LONP2: variants seen among roughly 807,000 people sequenced by gnomAD.
LONP2 encodes lon protease homolog 2, peroxisomal.
LONP2 carries 60 observed loss-of-function variants against 85.6 expected under a neutral mutation model. That is an observed-to-expected ratio of 0.70 (90% confidence interval 0.57 to 0.87). The LOEUF (loss-of-function observed/expected upper bound fraction) is 0.87, where lower values mean the gene tolerates loss of function less well. Ranked by LOEUF, LONP2 falls within the 40% of genes least tolerant of loss-of-function variation. LONP2 has a pLI of 0.00. For missense variants in LONP2, 860 were observed against 1,063.5 expected (o/e 0.81, Z 2.66); for synonymous variants, 395 against 389.7 (o/e 1.01, Z -0.16).
intron 11 of LONP2, among the ~76,000 whole-genome samples, chr16:48,333,092 G>A (rs1483088932): frequency 1.3e-5 from 2 of 152,100 alleles, no homozygotes; most frequent in Admixed American, 6.5e-5. Context: ...GAAAAAGCTA[G>A]GAATGAGATC....
In LONP2 at chr16:48,244,512, G is replaced by C; in HGVS notation, c.124G>C (p.Val42Leu). The C allele has an allele frequency of 6.3e-7, 1 of 1,590,680 alleles. No individual in the cohort carries two copies. The highest frequency in any genetic ancestry group is 8.5e-7 in the Non-Finnish European group (1 of 1,172,744). The change falls in exon 1 of 15, where the codon GTG (valine) becomes CTG (leucine). Residue 42 changes from valine (V) to leucine (L), a missense_variant. Physicochemically the swap from Val to Leu is conservative, Grantham distance 32. This residue lies in a region of LONP2 where 743 missense variants were observed against 917.3 expected (regional missense o/e 0.81). Transcript: ENST00000285737. ...SVDSARNLQLVRSRLLKGTSL... is the reference protein window; with the variant it reads ...SVDSARNLQLLRSRLLKGTSL... The stretch of plus-strand genomic sequence containing the variant: ...GGACTCGGCCCGCAACCTGCAGCTG[G>C]TGCGGAGCCGCCTTCTGAAGGGCAC...
intron 11 of LONP2, among the ~76,000 whole-genome samples, chr16:48,332,350 C>G (rs985943713): frequency 6.6e-6 from 1 of 151,992 alleles, no homozygotes; most frequent in Non-Finnish European, 1.5e-5. Flanking sequence ...CTGAGGCAGC[C>G]AGATCACTTG....
At chr16:48,289,171 T>G (rs1243917377) in intron 8 of LONP2, among the ~76,000 whole-genome samples, 1 of 152,228 alleles carries the variant, frequency 6.6e-6, no homozygotes, top group African/African-American at 2.4e-5. Flanking sequence ...CCGGAAAATT[T>G]GAGACAGGTC....
At chr16:48,335,550 C>T (rs956221586) in intron 12 of LONP2, among the ~76,000 whole-genome samples, 2 of 152,282 alleles carry the variant, frequency 1.3e-5, no homozygotes, top group African/African-American at 4.8e-5. Context: ...TTGTATTATA[C>T]TACTGAATTT....
intron 8 of LONP2, among the ~76,000 whole-genome samples, chr16:48,287,260 T>C (rs1332582541): frequency 6.6e-6 from 1 of 152,250 alleles, no homozygotes; most frequent in Non-Finnish European, 1.5e-5. Flanking sequence ...TAGGGCCTTC[T>C]CAGGTCTTTC....
At position 48,299,015 on chromosome 16, in the gene LONP2, A is replaced by G. The variant is rs539758031; in HGVS notation, c.1535-647A>G. 1.1e-3 allele frequency among the ~76,000 whole-genome samples: 163 copies of G among 151,392 alleles called. 4 individuals carry two copies. The South Asian group carries it at 0.033, about 30-fold the overall frequency. ...AAGCAATTCTCGTGCCTCAGCCTCCAGAGTAACCAGGACTACAGACATGCG... is the reference window on the plus strand; with the variant it reads ...AAGCAATTCTCGTGCCTCAGCCTCCGGAGTAACCAGGACTACAGACATGCG... On this transcript the variant is annotated intron_variant, in intron 9 of 14. Transcript: ENST00000285737.
At chr16:48,359,478 A>T (rs909984348), downstream of LONP2, among the ~76,000 whole-genome samples, 1 of 152,064 alleles carries the variant, frequency 6.6e-6, no homozygotes, top group Admixed American at 6.6e-5. Flanking sequence ...TAATCCCAGC[A>T]CTTGGGAGGC....
chr16:48,357,726 T>G (rs1388612981), downstream of LONP2, among the ~76,000 whole-genome samples: 1 of 152,224 alleles, frequency 6.6e-6, no homozygotes, highest in Non-Finnish European at 1.5e-5. Context: ...TTTCTAAATA[T>G]GAAGAGCTTT....
At chr16:48,303,570 G>A (rs903525493) in intron 11 of LONP2, among the ~76,000 whole-genome samples, 1 of 152,170 alleles carries the variant, frequency 6.6e-6, no homozygotes, top group Non-Finnish European at 1.5e-5. Context: ...TCACTAGAGG[G>A]ACAAGACTAA....
chr16:48,309,677 T>G (rs1287017912), intron 11 of LONP2, among the ~76,000 whole-genome samples: 1 of 152,240 alleles, frequency 6.6e-6, no homozygotes, highest in Non-Finnish European at 1.5e-5. Flanking sequence ...TCAGATTGAT[T>G]TTTAGTTTTA....
Position 48,338,155 on chromosome 16 carries a change from T to C in LONP2, c.1938+3797T>C, listed in dbSNP as rs533260314. Among the ~76,000 whole-genome samples the C allele has an allele frequency of 2.7e-3, 416 of 152,326 alleles. 2 individuals are homozygous for C. The highest frequency in any genetic ancestry group is 9.7e-3 in the African/African-American group (404 of 41,576). ...GCCTGTATTCTCCCTTAGGGTAAAT[T>C]ACAGTCTAGGGTCTGTGGTTTCTTC... On this transcript the variant is annotated intron_variant, in intron 12 of 14. Coordinates refer to ENST00000285737, the MANE Select transcript of LONP2 (RefSeq NM_031490.5).
At chr16:48,345,529 CTG>C in intron 12 of LONP2, 1 of 152,290 alleles carries the variant, frequency 6.6e-6, no homozygotes, top group African/African-American at 2.4e-5. Context: ...TTATAAATAA[CTG>C]TTTCATGATT....
At chr16:48,348,356 T>A in intron 14 of LONP2, 66 bp downstream of exon 14, 5 of 1,060,914 alleles carry the variant, frequency 4.7e-6, no homozygotes, top group Middle Eastern at 3.5e-4. Context: ...ATATTATTTT[T>A]AAATACGGGT....
At chr16:48,325,068 G>A (rs912519746) in intron 11 of LONP2, among the ~76,000 whole-genome samples, 1 of 152,076 alleles carries the variant, frequency 6.6e-6, no homozygotes, top group Non-Finnish European at 1.5e-5. Context: ...GTTTTTCCAC[G>A]GACCTGTGGG....
chr16:48,340,182 G>A (rs1049707414), intron 12 of LONP2, among the ~76,000 whole-genome samples: 1 of 152,124 alleles, frequency 6.6e-6, no homozygotes, highest in Non-Finnish European at 1.5e-5. Context: ...GAAGAATAAG[G>A]CCTGAAAGTT....
At chr16:48,247,194 T>TA (rs1971441900) in intron 1 of LONP2, 1 of 151,648 alleles carries the variant, frequency 6.6e-6, no homozygotes, top group African/African-American at 2.4e-5. Context: ...TTTTCTCTAA[T>TA]AGGGCCTTTA....
At chr16:48,335,561 A>G (rs1959620663) in intron 12 of LONP2, among the ~76,000 whole-genome samples, 1 of 152,262 alleles carries the variant, frequency 6.6e-6, no homozygotes, top group Non-Finnish European at 1.5e-5. Context: ...TACTGAATTT[A>G]GCTTTATCAT....
intron 12 of LONP2, chr16:48,334,800 G>A: frequency 1.8e-6 from 1 of 553,534 alleles, no homozygotes; most frequent in Non-Finnish European, 3.6e-6. Flanking sequence ...GCATCACTGG[G>A]CTCGACCTCA....
At chr16:48,339,566 A>T (rs1002950976) in intron 12 of LONP2, among the ~76,000 whole-genome samples, 1 of 152,200 alleles carries the variant, frequency 6.6e-6, no homozygotes, top group African/African-American at 2.4e-5. Flanking sequence ...ATGTTTTCAA[A>T]ATAGTAGCTG....
Sources: allele counts gnomAD v4.1 joint callset (sites outside exome capture counted in the v4.1 genomes callset), GRCh38; gene constraint gnomAD v4.1.1; regional missense constraint gnomAD v4.1.1; transcripts MANE v1.5; gene names NCBI Gene and HGNC (gene_info 2026-07-23, HGNC 2026-07-21).